PLA1A: variants seen among roughly 807,000 people sequenced by gnomAD.
PLA1A encodes phospholipase A1 member A, also known as phosphatidylserine-specific phospholipase A1alpha.
Under a neutral mutation model 49.4 loss-of-function variants are expected in PLA1A, and 47 were observed. The observed-to-expected ratio is 0.95, with a 90% CI of 0.75 to 1.21. The LOEUF (loss-of-function observed/expected upper bound fraction) is 1.21, where lower values mean the gene tolerates loss of function less well. PLA1A is among the 50% of genes most tolerant of loss of function. PLA1A has a pLI of 0.00. For missense variants in PLA1A, 561 were observed against 563.9 expected (o/e 0.99, Z 0.05); for synonymous variants, 224 against 207.9 (o/e 1.08, Z -0.67).
At position 119,619,597 on chromosome 3, in the gene PLA1A, G is replaced by A. The variant is rs116815407; in HGVS notation, c.957G>A (p.Pro319=). 2,099 of 1,613,630 alleles carry A rather than the reference G, an allele frequency of 1.3e-3. 20 individuals are homozygous for A. In the African/African-American group the frequency reaches 0.024, roughly 18 times the overall value. The change falls in exon 8 of 11, where the codon CCG becomes CCA. Residue 319 remains proline, a synonymous_variant. Transcript: ENST00000273371. The part of the protein sequence containing the change: ...LVEQGGVKIE[P]LPKEVKVYLL... ...AACAAGGTGGTGTCAAGATAGAGCC[G>A]CTCCCCAAGGAAGTGAAAGTCTACC... is the stretch of plus-strand genomic sequence containing the variant.
intron 9 of PLA1A, among the ~76,000 whole-genome samples, chr3:119,627,392 C>A (rs2052556434): frequency 6.6e-6 from 1 of 152,144 alleles, no homozygotes; most frequent in Non-Finnish European, 1.5e-5. Flanking sequence ...ACTCTTCAGT[C>A]TAAGCTTAAA....
At chr3:119,604,686 G>A (rs1374809446) in intron 1 of PLA1A, among the ~76,000 whole-genome samples, 2 of 151,878 alleles carry the variant, frequency 1.3e-5, no homozygotes, top group Non-Finnish European at 2.9e-5. Flanking sequence ...ACTTAAAAAA[G>A]GTAAAGATGA....
intron 1 of PLA1A, among the ~76,000 whole-genome samples, chr3:119,606,219 T>C (rs779592424): frequency 1.3e-5 from 2 of 152,248 alleles, no homozygotes; most frequent in Non-Finnish European, 2.9e-5. Context: ...GTTGGCAGTG[T>C]TAGTTCCTTC....
At chr3:119,626,343 TG>T (rs1252143906) in intron 9 of PLA1A, among the ~76,000 whole-genome samples, 1 of 152,110 alleles carries the variant, frequency 6.6e-6, no homozygotes, top group Non-Finnish European at 1.5e-5. Flanking sequence ...AACAGGGAAA[TG>T]ACCAGTGCAC....
chr3:119,618,241 C>T, intron 7 of PLA1A, 55 bp downstream of exon 7: 2 of 1,427,226 alleles, frequency 1.4e-6, no homozygotes, highest in Non-Finnish European at 1.9e-6. Context: ...TCAAGCCCTG[C>T]TAGTTGTCCC....
At chr3:119,601,226 G>T (rs1469427893) in intron 1 of PLA1A, among the ~76,000 whole-genome samples, 1 of 152,208 alleles carries the variant, frequency 6.6e-6, no homozygotes, top group Non-Finnish European at 1.5e-5. Flanking sequence ...GGGGGATACC[G>T]ATCTACAGAA....
chr3:119,616,142 G>T, intron 6 of PLA1A, 41 bp downstream of exon 6: 1 of 1,236,666 alleles, frequency 8.1e-7, no homozygotes, highest in Non-Finnish European at 1.2e-6. Flanking sequence ...CAACCCCGGA[G>T]ATTGAAATTC....
At chr3:119,621,554 G>C (rs2082930880) in intron 8 of PLA1A, among the ~76,000 whole-genome samples, 1 of 152,258 alleles carries the variant, frequency 6.6e-6, no homozygotes. Context: ...CCTGTGCCAG[G>C]CATGCGCCAG....
At chr3:119,627,716 G>A (rs1247225238) in intron 9 of PLA1A, among the ~76,000 whole-genome samples, 4 of 152,044 alleles carry the variant, frequency 2.6e-5, no homozygotes, top group Non-Finnish European at 5.9e-5. Flanking sequence ...ATCACAAAGG[G>A]CCCCACAAGT....
intron 5 of PLA1A, among the ~76,000 whole-genome samples, chr3:119,615,697 C>T (rs967973145): frequency 1.3e-4 from 20 of 151,988 alleles, no homozygotes; most frequent in Non-Finnish European, 2.9e-5. Context: ...GCCTGTAATC[C>T]CAGCTACTCC....
At chr3:119,615,915 G>A in intron 5 of PLA1A, 97 bp from the exon 6 acceptor site, 1 of 724,876 alleles carries the variant, frequency 1.4e-6, no homozygotes, top group Admixed American at 2.0e-5. Context: ...GAAGTGACGT[G>A]GCAGAGAGTG....
intron 9 of PLA1A, among the ~76,000 whole-genome samples, chr3:119,625,803 G>T (rs2052525001): frequency 6.6e-6 from 1 of 152,180 alleles, no homozygotes. Flanking sequence ...GGGCAGACTT[G>T]GGCTTGGGGG....
In PLA1A at chr3:119,608,767, T is replaced by G; in HGVS notation, c.276-3T>G. On this transcript the variant is annotated splice_region_variant and splice_polypyrimidine_tract_variant and intron_variant, in intron 2 of 10. Transcript: ENST00000273371. Reference sequence around the variant, plus strand: ...TTCCATTCTTTTTTGGCCCCCTGTCTAGGGTTTTAGGAACAAAGCCTTCCT... The same window carrying G: ...TTCCATTCTTTTTTGGCCCCCTGTCGAGGGTTTTAGGAACAAAGCCTTCCT... The G allele has an allele frequency of 6.2e-7, 1 of 1,611,838 alleles. No individual in the cohort carries two copies. The highest frequency in any genetic ancestry group is 2.2e-5 in the East Asian group (1 of 44,858).
chr3:119,607,229 AC>A, intron 2 of PLA1A: 1 of 478,256 alleles, frequency 2.1e-6, no homozygotes, highest in Admixed American at 3.6e-5. Flanking sequence ...CTGTGACTGG[AC>A]AAATCTCCGT....
chr3:119,625,410 T>A (rs1419041033), intron 9 of PLA1A, among the ~76,000 whole-genome samples, 178 bp downstream of exon 9: 1 of 152,144 alleles, frequency 6.6e-6, no homozygotes, highest in Non-Finnish European at 1.5e-5. Context: ...GAGGAGCTGT[T>A]CAGTAGTGGG....
chr3:119,598,332 T>C (rs1209510615), intron 1 of PLA1A, among the ~76,000 whole-genome samples: 1 of 152,162 alleles, frequency 6.6e-6, no homozygotes, highest in Non-Finnish European at 1.5e-5. Flanking sequence ...CATTCCAAGA[T>C]ATATTTAATT....
intron 9 of PLA1A, among the ~76,000 whole-genome samples, chr3:119,627,244 G>A (rs949239176): frequency 1.3e-5 from 2 of 152,174 alleles, no homozygotes; most frequent in East Asian, 1.9e-4. Context: ...GGAAAAACGG[G>A]GAGGTTATGT....
intron 9 of PLA1A, among the ~76,000 whole-genome samples, chr3:119,628,239 T>C: frequency 6.6e-6 from 1 of 152,264 alleles, no homozygotes; most frequent in East Asian, 1.9e-4. Flanking sequence ...TCCACCCAAC[T>C]CTGTCTGCGC....
chr3:119,604,033 G>A (rs1305072140), intron 1 of PLA1A, among the ~76,000 whole-genome samples: 1 of 152,204 alleles, frequency 6.6e-6, no homozygotes, highest in Non-Finnish European at 1.5e-5. Context: ...CTCTTTGCAA[G>A]TTTTGATATG....
Sources: gnomAD v4.1 joint callset for allele counts (sites outside exome capture counted in the v4.1 genomes callset) on GRCh38, gnomAD v4.1.1 for gene constraint, MANE v1.5 for transcripts, NCBI Gene and HGNC (gene_info 2026-07-23, HGNC 2026-07-21) for gene names.